The following CDH18 variants were observed in gnomAD, a reference collection of about 807,000 sequenced individuals.
CDH18 encodes the protein cadherin 18.
Under a neutral mutation model 67.9 loss-of-function variants are expected in CDH18, and 31 were observed. The observed-to-expected ratio is 0.46, with a 90% CI of 0.34 to 0.62. The LOEUF (loss-of-function observed/expected upper bound fraction) is 0.62, where lower values mean the gene tolerates loss of function less well. Among genes scored for constraint, CDH18 ranks in the 20% least tolerant of loss-of-function variants. CDH18 has a pLI of 0.01. For missense variants in CDH18, 890 were observed against 975.5 expected (o/e 0.91, Z 1.17); for synonymous variants, 362 against 347.2 (o/e 1.04, Z -0.48).
chr5:19,665,306 A>G (rs1757755805), intron 5 of CDH18, among the ~76,000 whole-genome samples: 1 of 152,042 alleles, frequency 6.6e-6, no homozygotes, highest in Non-Finnish European at 1.5e-5. Context: ...AAGTAAAAGA[A>G]TAATTGGGAA....
chr5:20,271,317 A>C (rs1745418939), intron 1 of CDH18, among the ~76,000 whole-genome samples: 1 of 152,094 alleles, frequency 6.6e-6, no homozygotes, highest in Non-Finnish European at 1.5e-5. Flanking sequence ...AATGATTACG[A>C]AGTAGAGCTC....
rs577722418 is a variant in CDH18, at chr5:19,955,599, C to A, written c.-257+25461G>T. On this transcript the variant is annotated intron_variant, in intron 2 of 12. Coordinates refer to ENST00000382275, the MANE Select transcript of CDH18 (RefSeq NM_004934.5). ...TTTTAACTATAATAGAGTGCCCAGG[C>A]AAACTTAAAAACAAAGGAAGAGGTA... 7.3e-4 allele frequency among the ~76,000 whole-genome samples: 111 copies of A among 151,940 alleles called. 1 individual carries two copies. The highest frequency in any genetic ancestry group is 2.5e-3 in the African/African-American group (102 of 41,432).
chr5:20,144,200 A>G (rs1228534625), intron 2 of CDH18, among the ~76,000 whole-genome samples: 1 of 151,982 alleles, frequency 6.6e-6, no homozygotes, highest in East Asian at 1.9e-4. Context: ...ACTTCCACGG[A>G]CAGCCTGGGA....
chr5:19,675,678 C>T (rs1262356295), intron 5 of CDH18, among the ~76,000 whole-genome samples: 1 of 151,878 alleles, frequency 6.6e-6, no homozygotes, highest in African/African-American at 2.4e-5. Flanking sequence ...ACAATTTGTG[C>T]ATTTAACACA....
At chr5:20,244,173 T>C (rs370663770) in intron 2 of CDH18, among the ~76,000 whole-genome samples, 2 of 84,356 alleles carry the variant, frequency 2.4e-5, no homozygotes, top group East Asian at 7.3e-4. Context: ...CAAATGATTT[T>C]ATAACAACCT....
intron 2 of CDH18, among the ~76,000 whole-genome samples, chr5:19,928,159 G>A (rs1345465578): frequency 6.6e-6 from 1 of 152,090 alleles, no homozygotes. Context: ...GCAGAGAGTC[G>A]CCCTGGCTTT....
chr5:19,731,424 C>A (rs1011673614), intron 4 of CDH18, among the ~76,000 whole-genome samples: 1 of 152,124 alleles, frequency 6.6e-6, no homozygotes, highest in African/African-American at 2.4e-5. Flanking sequence ...GCACTCCAGC[C>A]TGGGTGACAG....
intron 2 of CDH18, among the ~76,000 whole-genome samples, chr5:19,935,402 AT>A (rs1243216091): frequency 6.6e-5 from 10 of 151,324 alleles, no homozygotes; most frequent in South Asian, 4.1e-4. Flanking sequence ...GTCCTATAAG[AT>A]TTTGCTATTA....
rs70950071 is a variant in CDH18, at chr5:19,480,351, TTTTATTTATTTATTTA to T, written c.1882+2934_1882+2949del. On this transcript the variant is annotated intron_variant, in intron 12 of 12. Coordinates refer to ENST00000382275, the MANE Select transcript of CDH18 (RefSeq NM_004934.5). Reference sequence around the variant, plus strand: ...CTGACCAATAAATATATAAAGTTTATTTTATTTATTTATTTATTTATTTATTTATTTATTTATTTAT... The same window carrying T: ...CTGACCAATAAATATATAAAGTTTATTTTATTTATTTATTTATTTATTTAT... Among the ~76,000 whole-genome samples, 1,399 of 145,456 alleles carry T rather than the reference TTTTATTTATTTATTTA, an allele frequency of 9.6e-3. 26 individuals are homozygous for T. Among genetic ancestry groups the T allele is most frequent in the African/African-American group, 0.033 (1,319 of 39,740 alleles).
At chr5:20,259,791 T>C (rs78575054) in intron 1 of CDH18, among the ~76,000 whole-genome samples, 3,959 of 152,200 alleles carry the variant, frequency 0.026, 151 homozygotes, top group African/African-American at 0.089. Context: ...GTCAACTGTA[T>C]AGCTAAATGC....
At chr5:20,305,863 G>C (rs1736401524) in intron 1 of CDH18, 3 of 196,460 alleles carry the variant, frequency 1.5e-5, no homozygotes, top group Non-Finnish European at 3.1e-5. Flanking sequence ...CACAAAGGAT[G>C]CTACAATTTT....
chr5:19,563,682 G>T (rs1392289522), intron 8 of CDH18, among the ~76,000 whole-genome samples: 1 of 152,186 alleles, frequency 6.6e-6, no homozygotes, highest in East Asian at 1.9e-4. Flanking sequence ...TAGCAGTATA[G>T]AACCCTACAA....
At chr5:19,483,274 G>T in intron 12 of CDH18, 27 bp downstream of exon 12, 2 of 1,584,070 alleles carry the variant, frequency 1.3e-6, no homozygotes, top group Non-Finnish European at 1.7e-6. Flanking sequence ...TTGCCATCAT[G>T]CAAACTTAGG....
At chr5:20,481,654 T>C (rs923826570) in intron 1 of CDH18, among the ~76,000 whole-genome samples, 7 of 152,100 alleles carry the variant, frequency 4.6e-5, no homozygotes, top group Non-Finnish European at 1.0e-4. Context: ...AGAGGAACTT[T>C]GGAAGCTAAA....
In CDH18 at chr5:19,502,975, T is replaced by C. The variant is rs1743508999; in HGVS notation, c.1630+17A>G. 7.4e-7 allele frequency: 1 copy of C among 1,345,350 alleles called. No individual in the cohort carries two copies. The highest frequency in any genetic ancestry group is 1.1e-6 in the Non-Finnish European group (1 of 935,128). The allele number at this position is 1,345,350 out of a possible 1,614,324, so 83.3% of individuals were successfully genotyped here. ...CAGATACCACATAGATAAACAAATA[T>C]GTGTATATATGTTCACCTTCATTGT... On this transcript the variant is annotated intron_variant, in intron 11 of 12. Coordinates refer to ENST00000382275, the MANE Select transcript of CDH18 (RefSeq NM_004934.5).
At chr5:19,978,485 G>A (rs1375593408) in intron 2 of CDH18, among the ~76,000 whole-genome samples, 1 of 152,064 alleles carries the variant, frequency 6.6e-6, no homozygotes, top group African/African-American at 2.4e-5. Flanking sequence ...CAATATGCTA[G>A]TTTTATTAGT....
At chr5:19,951,779 TTTG>T (rs1242407428) in intron 2 of CDH18, among the ~76,000 whole-genome samples, 1 of 152,132 alleles carries the variant, frequency 6.6e-6, no homozygotes, top group African/African-American at 2.4e-5. Flanking sequence ...GTGCCAGCTG[TTTG>T]TTATCATTAT....
intron 2 of CDH18, among the ~76,000 whole-genome samples, chr5:19,872,342 G>C (rs183686976): frequency 9.4e-4 from 143 of 152,244 alleles, no homozygotes; most frequent in East Asian, 4.4e-3. Flanking sequence ...CTGGTTTCTG[G>C]TCAATAAGTG....
chr5:19,709,211 G>A (rs564508001), intron 5 of CDH18, among the ~76,000 whole-genome samples: 19 of 152,126 alleles, frequency 1.2e-4, no homozygotes, highest in Non-Finnish European at 1.9e-4. Flanking sequence ...GGAGGAAAGG[G>A]TTTGGGGAAC....
Sources: allele counts gnomAD v4.1 joint callset (sites outside exome capture counted in the v4.1 genomes callset), GRCh38; gene constraint gnomAD v4.1.1; transcripts MANE v1.5; gene names NCBI Gene and HGNC (gene_info 2026-07-23, HGNC 2026-07-21).